Variants in ABHD17C observed in about 807,000 individuals in gnomAD.
ABHD17C encodes alpha/beta hydrolase domain-containing protein 17C.
Under a neutral mutation model 27.9 loss-of-function variants are expected in ABHD17C, and 11 were observed. The observed-to-expected ratio is 0.39, with a 90% confidence interval of 0.25 to 0.65. The LOEUF (loss-of-function observed/expected upper bound fraction) is 0.65, where lower values mean the gene tolerates loss of function less well. Among genes scored for constraint, ABHD17C ranks in the 30% least tolerant of loss-of-function variants. The probability of loss-of-function intolerance (pLI) is 0.45; values close to 1 mark genes in which losing one functional copy is unlikely to be tolerated. For synonymous variants in ABHD17C, 233 were observed against 209.1 expected (o/e 1.11, Z -0.98); for missense variants, 280 against 470.2 (o/e 0.60, Z 3.74).
intron 1 of ABHD17C, among the ~76,000 whole-genome samples, chr15:80,704,395 C>G (rs1236674996): frequency 6.6e-6 from 1 of 152,186 alleles, no homozygotes; most frequent in African/African-American, 2.4e-5. Flanking sequence ...ACCTGGCTGC[C>G]TGGAGCTGGG....
At chr15:80,730,843 A>G (rs1392534373) in intron 1 of ABHD17C, among the ~76,000 whole-genome samples, 1 of 152,214 alleles carries the variant, frequency 6.6e-6, no homozygotes, top group Non-Finnish European at 1.5e-5. Context: ...GGTGAAATGC[A>G]TAGGATGGCA....
At chr15:80,726,420 A>C (rs1313763237) in intron 1 of ABHD17C, among the ~76,000 whole-genome samples, 1 of 151,600 alleles carries the variant, frequency 6.6e-6, no homozygotes, top group Non-Finnish European at 1.5e-5. Flanking sequence ...AGTAGTTTAG[A>C]AAAGATTTTT....
intron 1 of ABHD17C, among the ~76,000 whole-genome samples, chr15:80,706,010 A>T (rs1350044158): frequency 2.0e-5 from 3 of 152,212 alleles, no homozygotes; most frequent in Non-Finnish European, 4.4e-5. Context: ...GAGCAGAGTT[A>T]GGGATGGCAA....
intron 2 of ABHD17C, among the ~76,000 whole-genome samples, chr15:80,752,609 G>T (rs1210252959): frequency 6.6e-6 from 1 of 152,186 alleles, no homozygotes; most frequent in Non-Finnish European, 1.5e-5. Context: ...TATGGTAAAT[G>T]TTTAAAAAAT....
chr15:80,699,837 T>C (rs1894547108), intron 1 of ABHD17C, among the ~76,000 whole-genome samples: 1 of 152,094 alleles, frequency 6.6e-6, no homozygotes, highest in Admixed American at 6.5e-5. Context: ...GAGGCAGGGT[T>C]TGAAGGAGCC....
chr15:80,699,866 A>G (rs562825014), intron 1 of ABHD17C, among the ~76,000 whole-genome samples: 3 of 152,350 alleles, frequency 2.0e-5, no homozygotes, highest in Non-Finnish European at 2.9e-5. Context: ...TGGCATGAAC[A>G]ATGAGGAGAG....
intron 1 of ABHD17C, among the ~76,000 whole-genome samples, chr15:80,742,226 G>T (rs940946124): frequency 6.6e-6 from 1 of 152,106 alleles, no homozygotes; most frequent in Non-Finnish European, 1.5e-5. Flanking sequence ...CTGCAAGCTG[G>T]AGACCCAGGA....
chr15:80,713,071 A>G (rs904454182), intron 1 of ABHD17C, among the ~76,000 whole-genome samples: 3 of 151,720 alleles, frequency 2.0e-5, no homozygotes, highest in Admixed American at 2.0e-4. Context: ...GCCTCTTATT[A>G]CTACTTTGTA....
chr15:80,713,505 G>A (rs1296238992), intron 1 of ABHD17C, among the ~76,000 whole-genome samples: 1 of 151,558 alleles, frequency 6.6e-6, no homozygotes, highest in Non-Finnish European at 1.5e-5. Context: ...GAGAACATTG[G>A]CTTTCATTAA....
At position 80,695,984 on chromosome 15, in the gene ABHD17C, C is replaced by T. The variant is rs201669296; in HGVS notation, c.555C>T (p.Ala185=). Residue 185 remains alanine, a synonymous_variant, in exon 1 of 3, where the codon GCC becomes GCT. Coordinates refer to ENST00000258884, the MANE Select transcript of ABHD17C (RefSeq NM_021214.2). This position sits in a 1 kb window ranked among gnomAD's most constrained non-coding sequence, Gnocchi z 4.3. ...SGKPSEKNLY[A]DIDAAWQALR... The stretch of plus-strand genomic sequence containing the variant: ...AGCCCTCCGAGAAGAACCTCTACGC[C>T]GACATCGACGCCGCGTGGCAGGCGC... 3.2e-6 allele frequency: 5 copies of T among 1,585,958 alleles called. No individual in the cohort carries two copies. Among genetic ancestry groups the T allele is most frequent in the East Asian group, 2.3e-5 (1 of 44,162 alleles).
chr15:80,728,685 C>A (rs1452830141), intron 1 of ABHD17C, among the ~76,000 whole-genome samples: 2 of 152,178 alleles, frequency 1.3e-5, no homozygotes, highest in Non-Finnish European at 2.9e-5. Flanking sequence ...AACTTAGGGC[C>A]TTCTGGCATG....
chr15:80,733,423 T>G (rs1895083355), intron 1 of ABHD17C, among the ~76,000 whole-genome samples: 1 of 152,138 alleles, frequency 6.6e-6, no homozygotes, highest in African/African-American at 2.4e-5. Context: ...TGGGGAGGAC[T>G]GGGATTGACC....
chr15:80,710,832 C>T (rs1384921047), intron 1 of ABHD17C, among the ~76,000 whole-genome samples: 1 of 152,052 alleles, frequency 6.6e-6, no homozygotes, highest in African/African-American at 2.4e-5. Context: ...CTGCCTCTGC[C>T]TCCCTAAGTG....
intron 2 of ABHD17C, among the ~76,000 whole-genome samples, chr15:80,751,785 G>A (rs905720556): frequency 6.6e-6 from 1 of 152,164 alleles, no homozygotes; most frequent in Non-Finnish European, 1.5e-5. Flanking sequence ...CTGGTGATTG[G>A]AGACAACAAA....
chr15:80,749,572 C>T lies in ABHD17C; in HGVS notation c.650C>T (p.Thr217Met). 3.1e-6 allele frequency: 5 copies of T among 1,613,934 alleles called. No individual in the cohort carries two copies. The highest frequency in any genetic ancestry group is 4.2e-6 in the Non-Finnish European group (5 of 1,179,854). The change falls in exon 2 of 3, where the codon ACG becomes ATG. Residue 217 changes from threonine to methionine, a missense_variant. Physicochemically the swap from Thr to Met is moderately conservative, Grantham distance 81. This residue lies in a region of ABHD17C where 206 missense variants were observed against 394.7 expected (regional missense o/e 0.52). Transcript: ENST00000258884. ...GGTCAGAGCATTGGGACTGTCCCCACGGTAGACTTGGCCTCGAGGTATGAA... is the reference window on the plus strand; with the variant it reads ...GGTCAGAGCATTGGGACTGTCCCCATGGTAGACTTGGCCTCGAGGTATGAA... Reference protein sequence around the residue: ...LYGQSIGTVPTVDLASRYECA... With the variant: ...LYGQSIGTVPMVDLASRYECA...
At chr15:80,705,362 T>TGTGTGTGTGTGG (rs776574776) in intron 1 of ABHD17C, among the ~76,000 whole-genome samples, 9 of 150,622 alleles carry the variant, frequency 6.0e-5, no homozygotes, top group African/African-American at 2.2e-4. Context: ...TGTGTGTGTG[T>TGTGTGTGTGTGG]GTGTGGTTAG....
At chr15:80,752,265 G>C (rs761187505) in intron 2 of ABHD17C, among the ~76,000 whole-genome samples, 1 of 152,186 alleles carries the variant, frequency 6.6e-6, no homozygotes, top group Non-Finnish European at 1.5e-5. Flanking sequence ...TTCCAAATAA[G>C]ATTTCTAAAG....
intron 1 of ABHD17C, among the ~76,000 whole-genome samples, chr15:80,727,321 T>C (rs1362213149): frequency 6.6e-6 from 1 of 152,118 alleles, no homozygotes; most frequent in Non-Finnish European, 1.5e-5. Context: ...ATCTGGTTGC[T>C]TGAGAAATTT....
At chr15:80,713,633 C>T (rs912868338) in intron 1 of ABHD17C, among the ~76,000 whole-genome samples, 6 of 151,782 alleles carry the variant, frequency 4.0e-5, no homozygotes, top group Admixed American at 1.3e-4. Context: ...CATAGTGAAA[C>T]TCCGTCTCTA....
Sources: gnomAD v4.1 joint callset for allele counts (sites outside exome capture counted in the v4.1 genomes callset) on GRCh38, gnomAD v4.1.1 for gene constraint, gnomAD v4.1.1 regional missense constraint, Gnocchi (gnomAD v3.1) non-coding constraint, MANE v1.5 for transcripts, NCBI Gene and HGNC (gene_info 2026-07-23, HGNC 2026-07-21) for gene names.